Variants in GRM1 observed in about 807,000 individuals in gnomAD.
GRM1 encodes the protein metabotropic glutamate receptor 1.
GRM1 carries 33 observed loss-of-function variants against 90.9 expected under a neutral mutation model. The observed-to-expected ratio is 0.36, with a 90% CI of 0.28 to 0.49. The LOEUF (loss-of-function observed/expected upper bound fraction) is 0.49. Ranked by LOEUF, GRM1 falls within the 20% of genes least tolerant of loss-of-function variation. The pLI is 0.99. For missense variants in GRM1, 1,190 were observed against 1,534.3 expected (o/e 0.78, Z 3.75); for synonymous variants, 700 against 613.2 (o/e 1.14, Z -2.09).
rs78436527 is a variant in GRM1, at chr6:146,409,234, G to A, written c.2660+9535G>A. On this transcript the variant is annotated intron_variant, in intron 7 of 7. Transcript: ENST00000282753. Reference sequence around the variant, plus strand: ...TCAGATATCTTTATTTCGTGAGCACGCATGGTGAGTCTAAGGATAACCATG... The same window carrying A: ...TCAGATATCTTTATTTCGTGAGCACACATGGTGAGTCTAAGGATAACCATG... Among the ~76,000 whole-genome samples, 930 of 152,146 alleles carry A rather than the reference G, an allele frequency of 6.1e-3. 6 individuals carry two copies. The highest frequency in any genetic ancestry group is 0.01 in the Middle Eastern group (3 of 294).
chr6:146,270,339 T>A (rs1186021206), intron 2 of GRM1, among the ~76,000 whole-genome samples: 2 of 152,246 alleles, frequency 1.3e-5, no homozygotes, highest in African/African-American at 4.8e-5. Context: ...AAGTGTGTTT[T>A]ATCCAGTTCA....
At chr6:146,206,188 T>C (rs935954146) in intron 2 of GRM1, among the ~76,000 whole-genome samples, 4 of 152,174 alleles carry the variant, frequency 2.6e-5, no homozygotes, top group Admixed American at 2.6e-4. Context: ...GGCAGAAAGA[T>C]GTAGTCAGGA....
chr6:146,278,753 C>T (rs1054933203), intron 2 of GRM1, among the ~76,000 whole-genome samples: 4 of 152,188 alleles, frequency 2.6e-5, no homozygotes, highest in Non-Finnish European at 4.4e-5. Flanking sequence ...TACTGCACTC[C>T]AGCCTGGGTG....
chr6:146,312,763 C>A (rs1783821018), intron 3 of GRM1, among the ~76,000 whole-genome samples: 1 of 152,186 alleles, frequency 6.6e-6, no homozygotes, highest in African/African-American at 2.4e-5. Context: ...TGAGACTGAT[C>A]AACTTGTTGA....
chr6:146,329,554 G>A (rs902136799), intron 3 of GRM1, among the ~76,000 whole-genome samples: 1 of 152,130 alleles, frequency 6.6e-6, no homozygotes, highest in African/African-American at 2.4e-5. Flanking sequence ...AAGATGTATA[G>A]ATAGAAAGGC....
At chr6:146,255,172 T>A (rs1781436430) in intron 2 of GRM1, among the ~76,000 whole-genome samples, 1 of 152,170 alleles carries the variant, frequency 6.6e-6, no homozygotes, top group Admixed American at 6.6e-5. Context: ...CTTTTCTTAA[T>A]CTTGACTGTA....
chr6:146,228,273 G>A (rs896088932), intron 2 of GRM1, among the ~76,000 whole-genome samples: 2 of 152,150 alleles, frequency 1.3e-5, no homozygotes, highest in Admixed American at 1.3e-4. Flanking sequence ...CAGTTCTGGA[G>A]GACAGAATGT....
chr6:146,381,642 G>T (rs138285524), intron 5 of GRM1, among the ~76,000 whole-genome samples: 63 of 152,232 alleles, frequency 4.1e-4, no homozygotes, highest in African/African-American at 1.4e-3. Flanking sequence ...CCTTGGTGGG[G>T]GAGGCAGACA....
intron 2 of GRM1, among the ~76,000 whole-genome samples, chr6:146,253,162 A>AATT (rs946458058): frequency 3.7e-4 from 56 of 152,310 alleles, no homozygotes; most frequent in African/African-American, 1.3e-3. Flanking sequence ...AGTGATAGAG[A>AATT]ATTATGCTCT....
At chr6:146,310,714 A>G (rs931801079) in intron 3 of GRM1, among the ~76,000 whole-genome samples, 1 of 152,166 alleles carries the variant, frequency 6.6e-6, no homozygotes, top group Admixed American at 6.5e-5. Flanking sequence ...CCTTAGCCAT[A>G]TGAATAAGCT....
At chr6:146,067,925 C>T (rs1174812757) in intron 1 of GRM1, among the ~76,000 whole-genome samples, 1 of 152,088 alleles carries the variant, frequency 6.6e-6, no homozygotes, top group African/African-American at 2.4e-5. Context: ...CTGGCTTTAT[C>T]TTTCTTTTCA....
At chr6:146,282,977 G>C (rs1262082611) in intron 2 of GRM1, among the ~76,000 whole-genome samples, 2 of 152,146 alleles carry the variant, frequency 1.3e-5, no homozygotes, top group African/African-American at 2.4e-5. Context: ...TGAAATAATA[G>C]CAAACCCCCT....
At chr6:146,125,633 T>C (rs552442781) in intron 1 of GRM1, among the ~76,000 whole-genome samples, 10 of 152,224 alleles carry the variant, frequency 6.6e-5, no homozygotes, top group Middle Eastern at 3.4e-3. Flanking sequence ...GAGGCTAAGG[T>C]AATCATTTTG....
rs539680874 is a variant in GRM1, at chr6:146,049,615, A to AC, written c.700+19398_700+19399insC. ...ACTGTGGAACTTCTCAACCTCCATA[A>AC]TTGCATGAGCCAATTCCCATATGAA... On this transcript the variant is annotated intron_variant, in intron 1 of 7. Coordinates refer to ENST00000282753, the MANE Select transcript of GRM1 (RefSeq NM_001278064.2). Among the ~76,000 whole-genome samples the AC allele has an allele frequency of 1.9e-3, 235 of 125,060 alleles. 1 individual carries two copies. Among genetic ancestry groups the AC allele is most frequent in the African/African-American group, 6.2e-3 (225 of 36,258 alleles). 82.0% of individuals were successfully genotyped at this position (125,060 alleles called of 152,430 possible).
intron 1 of GRM1, among the ~76,000 whole-genome samples, chr6:146,033,383 A>T (rs995286746): frequency 6.6e-6 from 1 of 152,162 alleles, no homozygotes; most frequent in African/African-American, 2.4e-5. Flanking sequence ...CAAAAAAACA[A>T]ATTTATTATT....
intron 2 of GRM1, among the ~76,000 whole-genome samples, chr6:146,173,244 G>T (rs959274940): frequency 1.3e-5 from 2 of 151,740 alleles, no homozygotes; most frequent in African/African-American, 4.8e-5. Context: ...AAAAAAAATA[G>T]CTGGGCATGG....
At chr6:146,043,796 T>TATCTATATATATATATAG (rs1554260521) in intron 1 of GRM1, among the ~76,000 whole-genome samples, 2 of 137,940 alleles carry the variant, frequency 1.4e-5, no homozygotes, top group African/African-American at 5.2e-5. Flanking sequence ...TATATATATA[T>TATCTATATATATATATAG]ATATATATAT....
rs552986343 is a variant in GRM1, at chr6:146,314,051, C to CTTTTTT, written c.1186+9232_1186+9237dup. Among the ~76,000 whole-genome samples the CTTTTTT allele has an allele frequency of 3.6e-3, 224 of 62,000 alleles. 54 individuals are homozygous for CTTTTTT. Among genetic ancestry groups the CTTTTTT allele is most frequent in the East Asian group, 4.8e-3 (7 of 1,444 alleles). The allele number at this position is 62,000 out of a possible 152,430, so 40.7% of individuals were successfully genotyped here. A position where few individuals can be genotyped will look rare whatever the true frequency, so the allele number is the denominator to read the frequency against. ...CACTGTATATATCAATAGTTAATTC[C>CTTTTTT]TTTTTTTTTTTTTTTTTTTTTTTTT... On this transcript the variant is annotated intron_variant, in intron 3 of 7. Transcript: ENST00000282753.
intron 2 of GRM1, among the ~76,000 whole-genome samples, chr6:146,268,905 T>TAG (rs1335377168): frequency 2.0e-5 from 3 of 152,074 alleles, no homozygotes; most frequent in African/African-American, 7.2e-5. Context: ...AAAACAGACA[T>TAG]AGACCAATGG....
Sources: allele counts gnomAD v4.1 joint callset (sites outside exome capture counted in the v4.1 genomes callset), GRCh38; gene constraint gnomAD v4.1.1; transcripts MANE v1.5; gene names NCBI Gene and HGNC (gene_info 2026-07-23, HGNC 2026-07-21).